ZNF438: variants seen among roughly 807,000 people sequenced by gnomAD.
The protein encoded by ZNF438 is zinc finger protein 438.
ZNF438 carries 25 observed loss-of-function variants against 38.0 expected under a neutral mutation model. That is an observed-to-expected ratio of 0.66 (90% CI 0.48 to 0.92). ZNF438 has a LOEUF of 0.92. ZNF438 is among the 40% of genes least tolerant of loss of function. The pLI is 0.00. For synonymous variants in ZNF438, 372 were observed against 364.1 expected, an observed-to-expected ratio of 1.02 and a Z score of -0.25; for missense variants, 1,007 against 999.6, an observed-to-expected ratio of 1.01 and a Z score of -0.10.
intron 3 of ZNF438, among the ~76,000 whole-genome samples, chr10:30,880,126 T>C (rs1052782620): frequency 6.6e-6 from 1 of 152,070 alleles, no homozygotes; most frequent in East Asian, 1.9e-4. Flanking sequence ...GATTTCTTAC[T>C]ATTAATAAAA....
At chr10:30,970,105 TACAC>T (rs55745286) in intron 1 of ZNF438, among the ~76,000 whole-genome samples, 25,682 of 144,992 alleles carry the variant, frequency 0.18, 2,221 homozygotes, top group African/African-American at 0.21. Flanking sequence ...TGCTGGCTGA[TACAC>T]ACACACACAC....
chr10:31,002,583 A>G (rs1168726874), intron 1 of ZNF438, among the ~76,000 whole-genome samples: 1 of 152,222 alleles, frequency 6.6e-6, no homozygotes, highest in Non-Finnish European at 1.5e-5. Flanking sequence ...GATACTAGCT[A>G]GACCTGATTT....
chr10:30,948,323 A>G (rs2047703786), intron 1 of ZNF438, among the ~76,000 whole-genome samples: 1 of 152,178 alleles, frequency 6.6e-6, no homozygotes, highest in East Asian at 1.9e-4. Flanking sequence ...AAAAACTGGA[A>G]ACTCTAAAAA....
chr10:30,865,551 C>G (rs1053983056), intron 4 of ZNF438, among the ~76,000 whole-genome samples: 1 of 152,196 alleles, frequency 6.6e-6, no homozygotes, highest in Non-Finnish European at 1.5e-5. Context: ...ACTGATGACA[C>G]TAAAGAACAC....
chr10:30,932,877 C>T (rs909491814), intron 2 of ZNF438, among the ~76,000 whole-genome samples: 22 of 152,240 alleles, frequency 1.4e-4, no homozygotes, highest in African/African-American at 5.1e-4. Context: ...AGGGAAGACA[C>T]TCATAAGATG....
At chr10:30,894,189 G>GGTA (rs1366828824) in intron 3 of ZNF438, among the ~76,000 whole-genome samples, 1 of 152,008 alleles carries the variant, frequency 6.6e-6, no homozygotes, top group African/African-American at 2.4e-5. Flanking sequence ...ACTTCACATG[G>GGTA]GTAGAATAAC....
At chr10:30,990,206 A>G (rs1480025638) in intron 1 of ZNF438, among the ~76,000 whole-genome samples, 3 of 152,222 alleles carry the variant, frequency 2.0e-5, no homozygotes, top group Non-Finnish European at 2.9e-5. Flanking sequence ...TCAAGAATTT[A>G]TGTTACCTGT....
intron 1 of ZNF438, 61 bp from the exon 2 acceptor site, chr10:30,984,487 T>C (rs906813627): frequency 6.6e-6 from 1 of 152,186 alleles, no homozygotes; most frequent in African/African-American, 2.4e-5. Flanking sequence ...ATCAAATATA[T>C]GTAAAAGGTG....
intron 3 of ZNF438, among the ~76,000 whole-genome samples, chr10:30,891,708 G>A (rs1330130375): frequency 1.3e-5 from 2 of 152,156 alleles, no homozygotes; most frequent in African/African-American, 2.4e-5. Flanking sequence ...CAGTGACTAT[G>A]CTGCCATAGT....
intron 1 of ZNF438, among the ~76,000 whole-genome samples, chr10:31,003,925 T>C (rs1455015819): frequency 1.3e-5 from 2 of 152,072 alleles, no homozygotes; most frequent in African/African-American, 2.4e-5. Flanking sequence ...AGAGCATATA[T>C]GGAAGAAAAA....
chr10:31,000,007 ATTAAC>A (rs2054482443), intron 1 of ZNF438, among the ~76,000 whole-genome samples: 1 of 152,334 alleles, frequency 6.6e-6, no homozygotes, highest in South Asian at 2.1e-4. Context: ...ATTTTCTAAT[ATTAAC>A]TTTATCTCTT....
At chr10:30,977,773 A>T (rs1162113641) in intron 1 of ZNF438, among the ~76,000 whole-genome samples, 2 of 152,098 alleles carry the variant, frequency 1.3e-5, no homozygotes, top group Non-Finnish European at 2.9e-5. Flanking sequence ...TCGCAAGGTC[A>T]GGAGTTCGAG....
rs937383434 is a variant in ZNF438 at position 30,875,308 on chromosome 10, CTTAG to C, written c.37+1686_37+1689del. On this transcript the variant is annotated intron_variant, in intron 4 of 5. Transcript: ENST00000413025. The stretch of plus-strand genomic sequence containing the variant: ...TCAGCCAGAGCCAAGCAGCTTGTTG[CTTAG>C]TTACTCACATAGACTCACCTTTTTA... 43 of 985,414 alleles carry C rather than the reference CTTAG, an allele frequency of 4.4e-5. No individual in the cohort carries two copies. In the African/African-American group the frequency reaches 7.3e-4, roughly 17 times the overall value. 61.0% of individuals were successfully genotyped at this position (985,414 alleles called of 1,614,324 possible).
At chr10:30,845,206 A>G in exon 6 of ZNF438, 1 of 1,614,122 alleles carries the variant, frequency 6.2e-7, no homozygotes, top group Non-Finnish European at 8.5e-7. Context: ...TTGGTTCCTG[A>G]CTGGGGTCCT....
At chr10:30,994,909 G>A (rs1294549453) in intron 1 of ZNF438, among the ~76,000 whole-genome samples, 1 of 151,962 alleles carries the variant, frequency 6.6e-6, no homozygotes, top group African/African-American at 2.4e-5. Flanking sequence ...AAACACACCT[G>A]TAGTTCCAGC....
intron 1 of ZNF438, among the ~76,000 whole-genome samples, chr10:30,966,709 A>G (rs545084374): frequency 4.6e-5 from 7 of 151,958 alleles, no homozygotes; most frequent in Admixed American, 1.3e-4. Context: ...CTATTGTGTG[A>G]CAGGCTCTGT....
intron 1 of ZNF438, among the ~76,000 whole-genome samples, chr10:30,961,983 T>C (rs1423898604): frequency 2.7e-5 from 4 of 147,106 alleles, no homozygotes; most frequent in African/African-American, 9.7e-5. Context: ...TACAAAAGCT[T>C]GAAATAAGAA....
At chr10:30,954,576 G>T (rs1475448917) in intron 1 of ZNF438, among the ~76,000 whole-genome samples, 1 of 152,098 alleles carries the variant, frequency 6.6e-6, no homozygotes, top group Non-Finnish European at 1.5e-5. Context: ...AGGCCTCTAA[G>T]AATCTTGATG....
intron 4 of ZNF438, among the ~76,000 whole-genome samples, chr10:30,869,198 C>A (rs978988833): frequency 4.6e-5 from 7 of 152,096 alleles, no homozygotes; most frequent in East Asian, 1.9e-4. Flanking sequence ...CACGGTGAAA[C>A]CCTGTTTCTA....
Sources: gnomAD v4.1 joint callset for allele counts (sites outside exome capture counted in the v4.1 genomes callset) on GRCh38, gnomAD v4.1.1 for gene constraint, MANE v1.5 for transcripts, NCBI Gene and HGNC (gene_info 2026-07-23, HGNC 2026-07-21) for gene names.